Variants in ABCA8 observed in about 807,000 individuals in gnomAD.
ABCA8 encodes ATP binding cassette subfamily A member 8, also known as ABC-type organic anion transporter ABCA8.
Under a neutral mutation model 192.3 loss-of-function variants are expected in ABCA8, and 177 were observed. The observed-to-expected ratio is 0.92, with a 90% CI of 0.81 to 1.04. ABCA8 has a LOEUF of 1.04. Among genes scored for constraint, ABCA8 ranks in the 50% least tolerant of loss-of-function variants. The pLI, the probability that ABCA8 is intolerant of heterozygous loss-of-function variation, is 0.00. For synonymous variants in ABCA8, 642 were observed against 690.2 expected, an observed-to-expected ratio of 0.93 and a Z score of 1.09; for missense variants, 1,915 against 1,904.8, an observed-to-expected ratio of 1.01 and a Z score of -0.10.
intron 24 of ABCA8, among the ~76,000 whole-genome samples, chr17:68,890,000 G>T (rs913722539): frequency 2.0e-5 from 3 of 152,144 alleles, no homozygotes; most frequent in Admixed American, 6.6e-5. Flanking sequence ...TATGATTAAT[G>T]CTATTCAGAA....
At chr17:68,915,785 A>T (rs1157923444) in intron 17 of ABCA8, among the ~76,000 whole-genome samples, 1 of 152,234 alleles carries the variant, frequency 6.6e-6, no homozygotes, top group Non-Finnish European at 1.5e-5. Flanking sequence ...TATATACCCC[A>T]AAGAAAGGAA....
At position 68,907,671 on chromosome 17, in the gene ABCA8, A is replaced by T. The variant is rs1239723348; in HGVS notation, c.2278+69T>A. 5 of 1,342,148 alleles carry T rather than the reference A, an allele frequency of 3.7e-6. No homozygotes were observed. The Admixed American group carries it at 1.1e-4, about 29-fold the overall frequency. 83.1% of individuals were successfully genotyped at this position (1,342,148 alleles called of 1,614,324 possible). ...TAAGACATTGATAAATGTTAGTTGT[A>T]ATGATAATAATTATGATGATGATGA... is the stretch of plus-strand genomic sequence containing the variant. On this transcript the variant is annotated intron_variant, in intron 18 of 39. Transcript: ENST00000586539.
Position 68,867,973 on chromosome 17 carries a change from G to T in ABCA8, c.*112C>A. ...GAACCTCCTCCTCCCACCACACGGA[G>T]AACCATTTCTGTACTTATAATATAG... is the stretch of plus-strand genomic sequence containing the variant. On this transcript the variant is annotated 3_prime_UTR_variant, in exon 40 of 40. Transcript: ENST00000586539. The T allele has an allele frequency of 1.2e-6, 1 of 852,946 alleles. No homozygotes were observed. The highest frequency in any genetic ancestry group is 1.8e-6 in the Non-Finnish European group (1 of 559,830). 52.8% of individuals were successfully genotyped at this position (852,946 alleles called of 1,614,324 possible).
At chr17:68,880,148 T>C (rs1324031374) in intron 32 of ABCA8, 1 of 152,194 alleles carries the variant, frequency 6.6e-6, no homozygotes, top group East Asian at 1.9e-4. Flanking sequence ...TGGCACACAC[T>C]TCCTCCTTTC....
In ABCA8 at chr17:68,947,450, G is replaced by A. The variant is rs563373946; in HGVS notation, c.-6+1862C>T. ...GTGCTTGTCTGCTTTTAGCCTCAGT[G>A]TTATGTTAGCTTTATTATGGCTAGC... On this transcript the variant is annotated intron_variant, in intron 2 of 39. Coordinates refer to ENST00000586539, the MANE Select transcript of ABCA8 (RefSeq NM_001288985.2). 5.3e-5 allele frequency among the ~76,000 whole-genome samples: 8 copies of A among 152,256 alleles called. No homozygotes were observed. In the East Asian group the frequency reaches 1.5e-3, roughly 29 times the overall value.
At position 68,911,748 on chromosome 17, in the gene ABCA8, C is replaced by CACAT. The variant is rs1464310218; in HGVS notation, c.2139-3870_2139-3869insATGT. On this transcript the variant is annotated intron_variant, in intron 17 of 39. Transcript: ENST00000586539. This position sits in a 1 kb window ranked among gnomAD's most constrained non-coding sequence, Gnocchi z 5.7. ...AGACAGCTCAATACACACACACACA[C>CACAT]ACACACACACACACACACACACTCC... Among the ~76,000 whole-genome samples, 6 of 151,496 alleles carry CACAT rather than the reference C, an allele frequency of 4.0e-5. No homozygotes were observed. The highest frequency in any genetic ancestry group is 3.4e-3 in the Middle Eastern group (1 of 294).
At chr17:68,883,250 A>G (rs746875977) in intron 29 of ABCA8, among the ~76,000 whole-genome samples, 1 of 152,182 alleles carries the variant, frequency 6.6e-6, no homozygotes, top group Non-Finnish European at 1.5e-5. Flanking sequence ...CTCCCATCCA[A>G]CTTTCTGTAA....
At chr17:68,892,032 T>G (rs899401801) in intron 23 of ABCA8, among the ~76,000 whole-genome samples, 5 of 152,190 alleles carry the variant, frequency 3.3e-5, no homozygotes, top group Non-Finnish European at 1.5e-5. Flanking sequence ...TGAGACCAGA[T>G]AAATATTGGT....
chr17:68,915,747 C>A (rs929597207), intron 17 of ABCA8, among the ~76,000 whole-genome samples: 46 of 152,258 alleles, frequency 3.0e-4, no homozygotes, highest in African/African-American at 1.1e-3. Flanking sequence ...ATAGAGCTAC[C>A]ATATGATCCA....
chr17:68,884,435 T>C, intron 27 of ABCA8, 39 bp from the exon 28 acceptor site: 1 of 1,547,068 alleles, frequency 6.5e-7, no homozygotes. Context: ...GGGAGTTTTT[T>C]GTTTCCTGAA....
chr17:68,885,561 T>G (rs1314249095), intron 26 of ABCA8, among the ~76,000 whole-genome samples: 1 of 152,078 alleles, frequency 6.6e-6, no homozygotes, highest in Non-Finnish European at 1.5e-5. Context: ...TCTCTTTTTT[T>G]TTTTGAGATG....
Position 68,944,359 on chromosome 17 carries a change from T to TATACATAC in ABCA8, c.-5-2321_-5-2320insGTATGTAT, listed in dbSNP as rs765731645. ...ATATATATATATATATATATATATA[T>TATACATAC]ACACATATACATACATATGCAAACA... On this transcript the variant is annotated intron_variant, in intron 2 of 39. Transcript: ENST00000586539. 1.5e-3 allele frequency among the ~76,000 whole-genome samples: 107 copies of TATACATAC among 69,392 alleles called. 3 individuals are homozygous for TATACATAC. Among genetic ancestry groups the TATACATAC allele is most frequent in the African/African-American group, 5.6e-3 (103 of 18,264 alleles). 45.5% of individuals were successfully genotyped at this position (69,392 alleles called of 152,430 possible).
At chr17:68,906,664 A>T (rs779475564) in intron 18 of ABCA8, among the ~76,000 whole-genome samples, 4 of 152,150 alleles carry the variant, frequency 2.6e-5, no homozygotes, top group South Asian at 2.1e-4. Context: ...CCATTAAAAA[A>T]TTTTCTGTTT....
intron 3 of ABCA8, 88 bp downstream of exon 3, chr17:68,941,851 C>CG: frequency 1.2e-6 from 1 of 863,612 alleles, no homozygotes; most frequent in South Asian, 1.6e-5. Context: ...GTGTATGTGT[C>CG]GGGGGAGATA....
chr17:68,919,108 A>G (rs2067467346), intron 14 of ABCA8, among the ~76,000 whole-genome samples, 193 bp downstream of exon 14: 1 of 152,152 alleles, frequency 6.6e-6, no homozygotes, highest in African/African-American at 2.4e-5. Context: ...TAAATGATTT[A>G]TTAGATTTAA....
Position 68,891,516 on chromosome 17 carries a change from A to G in ABCA8, c.3117T>C (p.Ile1039=), listed in dbSNP as rs1470168222. Residue 1039 remains isoleucine, a synonymous_variant, in exon 24 of 40, where the codon ATT becomes ATC. Transcript: ENST00000586539. The part of the protein sequence containing the change: ...LVLTSSCPPY[I]AMSSIDDYKN... ...TATAATCATCGATGCTGCTCATGGC[A>G]ATGTAAGGTGGGCAACTCGATGTTA... is the stretch of plus-strand genomic sequence containing the variant. 8 of 1,612,838 alleles carry G rather than the reference A, an allele frequency of 5.0e-6. No individual in the cohort carries two copies. In the East Asian group the frequency reaches 1.6e-4, roughly 31 times the overall value.
intron 17 of ABCA8, among the ~76,000 whole-genome samples, chr17:68,916,139 G>T (rs1254490900): frequency 6.6e-6 from 1 of 152,052 alleles, no homozygotes; most frequent in African/African-American, 2.4e-5. Flanking sequence ...TAGTGGGGTG[G>T]TGGGGAAGGG....
intron 1 of ABCA8, among the ~76,000 whole-genome samples, chr17:68,952,286 T>C (rs938482344): frequency 2.0e-5 from 3 of 152,138 alleles, no homozygotes; most frequent in Admixed American, 6.6e-5. Flanking sequence ...TGGTGCGATC[T>C]CGGCTCACTG....
chr17:68,920,992 C>T (rs1311450536), intron 13 of ABCA8, among the ~76,000 whole-genome samples: 1 of 152,096 alleles, frequency 6.6e-6, no homozygotes, highest in Non-Finnish European at 1.5e-5. Context: ...AAATGTGGCA[C>T]ATATACACCA....
Sources: gnomAD v4.1 joint callset for allele counts (sites outside exome capture counted in the v4.1 genomes callset) on GRCh38, gnomAD v4.1.1 for gene constraint, Gnocchi (gnomAD v3.1) non-coding constraint, MANE v1.5 for transcripts, NCBI Gene and HGNC (gene_info 2026-07-23, HGNC 2026-07-21) for gene names.